Variants in CLEC16A observed in about 807,000 individuals in gnomAD.
CLEC16A encodes the protein C-type lectin domain containing 16A.
In CLEC16A, 51 loss-of-function variants were observed where a neutral mutation model predicts 109.5. The ratio of observed to expected loss-of-function variants is 0.47; its 90% CI spans 0.37 to 0.59. The LOEUF (loss-of-function observed/expected upper bound fraction) is 0.59, where lower values mean the gene tolerates loss of function less well. Ranked by LOEUF, CLEC16A falls within the 20% of genes least tolerant of loss-of-function variation. The probability of loss-of-function intolerance (pLI) is 0.00; values close to 1 mark genes in which losing one functional copy is unlikely to be tolerated. For missense variants in CLEC16A, 1,339 were observed against 1,394.0 expected (o/e 0.96, Z 0.63); for synonymous variants, 673 against 564.2 (o/e 1.19, Z -2.73).
chr16:10,990,390 C>T (rs762915132), intron 10 of CLEC16A, among the ~76,000 whole-genome samples: 4 of 152,200 alleles, frequency 2.6e-5, no homozygotes, highest in African/African-American at 9.6e-5. Flanking sequence ...GAAACAGTTG[C>T]GTCTCTCTGT....
At chr16:11,081,662 C>G (rs75403587) in intron 19 of CLEC16A, among the ~76,000 whole-genome samples, 1 of 152,130 alleles carries the variant, frequency 6.6e-6, no homozygotes, top group Non-Finnish European at 1.5e-5. Context: ...AGTTCCAAGC[C>G]AGGAGAGCAT....
chr16:11,078,698 G>A (rs1299376669), intron 19 of CLEC16A, among the ~76,000 whole-genome samples: 1 of 152,180 alleles, frequency 6.6e-6, no homozygotes, highest in Non-Finnish European at 1.5e-5. Flanking sequence ...GAAGAGGTTG[G>A]CCATGTCAGA....
At chr16:10,971,546 C>G (rs1319345009) in intron 5 of CLEC16A, 3 of 983,108 alleles carry the variant, frequency 3.1e-6, no homozygotes, top group Non-Finnish European at 3.6e-6. Flanking sequence ...TTTAATGTGT[C>G]ATTTAAATTT....
At chr16:11,123,591 G>C in intron 20 of CLEC16A, 151 bp from the exon 21 acceptor site, 1 of 723,530 alleles carries the variant, frequency 1.4e-6, no homozygotes. Flanking sequence ...GCCCATCCAT[G>C]ACTCTGTTGG....
rs1368983834 is a variant in CLEC16A at position 11,178,695 on chromosome 16, G to T, written c.*5G>T. ...GTGGGCACCGCTGAGGACTGAGTCAGTGCCGGGGCCTCCCTTTGTGTGTGT... is the reference window on the plus strand; with the variant it reads ...GTGGGCACCGCTGAGGACTGAGTCATTGCCGGGGCCTCCCTTTGTGTGTGT... On this transcript the variant is annotated 3_prime_UTR_variant, in exon 24 of 24. Coordinates refer to ENST00000409790, the MANE Select transcript of CLEC16A (RefSeq NM_015226.3). The surrounding 1 kb of genome is among the most constrained non-coding windows in gnomAD (Gnocchi z 6.5). 2.7e-6 allele frequency: 4 copies of T among 1,469,176 alleles called. No individual in the cohort carries two copies. Among genetic ancestry groups the T allele is most frequent in the South Asian group, 1.4e-5 (1 of 73,458 alleles). The allele number at this position is 1,469,176 out of a possible 1,614,324, so 91.0% of individuals were successfully genotyped here.
chr16:11,131,911 C>G (rs1398428470), intron 22 of CLEC16A, among the ~76,000 whole-genome samples: 1 of 152,200 alleles, frequency 6.6e-6, no homozygotes, highest in African/African-American at 2.4e-5. Flanking sequence ...AAGTGCGTCC[C>G]ATTTCAGGGC....
chr16:10,988,546 G>T (rs1022047143), intron 10 of CLEC16A, among the ~76,000 whole-genome samples: 1 of 152,188 alleles, frequency 6.6e-6, no homozygotes, highest in African/African-American at 2.4e-5. Context: ...AAGGGCTCTC[G>T]TGACATTCTT....
chr16:11,055,196 T>A (rs1370550823), intron 18 of CLEC16A, among the ~76,000 whole-genome samples: 1 of 152,168 alleles, frequency 6.6e-6, no homozygotes, highest in Non-Finnish European at 1.5e-5. Flanking sequence ...TGAGGTAAAG[T>A]TTATTAACAA....
In CLEC16A at chr16:11,126,103, C is replaced by T. The variant is rs201759018; in HGVS notation, c.2598C>T (p.Pro866=). The change falls in exon 22 of 24, where the codon CCC becomes CCT. Residue 866 remains proline (P), a synonymous_variant. Transcript: ENST00000409790. ...AGGGGCGCCGGGGCAGCAGCGACCCCACAGTGCAGCGCTCCGTGTTTGCAT... is the reference window on the plus strand; with the variant it reads ...AGGGGCGCCGGGGCAGCAGCGACCCTACAGTGCAGCGCTCCGTGTTTGCAT... ...YDQGRRGSSD[P]TVQRSVFASV... 11 of 1,613,794 alleles carry T rather than the reference C, an allele frequency of 6.8e-6. No homozygotes were observed. The highest frequency in any genetic ancestry group is 9.3e-6 in the Non-Finnish European group (11 of 1,179,890).
intron 13 of CLEC16A, among the ~76,000 whole-genome samples, chr16:11,030,194 G>A (rs1474167097): frequency 9.9e-5 from 15 of 152,144 alleles, no homozygotes; most frequent in Admixed American, 4.6e-4. Context: ...CATTTGTGTG[G>A]CCCCATACAA....
intron 14 of CLEC16A, chr16:11,040,137 T>G (rs1317934777): frequency 4.6e-6 from 2 of 438,054 alleles, no homozygotes; most frequent in Non-Finnish European, 8.1e-6. Context: ...CCCGCCCTTC[T>G]TTTGCTGAGA....
intron 5 of CLEC16A, 103 bp from the exon 6 acceptor site, chr16:10,972,451 C>CT: frequency 9.9e-7 from 1 of 1,007,912 alleles, no homozygotes; most frequent in Non-Finnish European, 1.6e-6. Context: ...CCTAGTCTCT[C>CT]TCCCTCTGAG....
intron 13 of CLEC16A, among the ~76,000 whole-genome samples, chr16:11,035,025 C>T (rs991933757): frequency 6.6e-6 from 1 of 152,196 alleles, no homozygotes; most frequent in Non-Finnish European, 1.5e-5. Flanking sequence ...CTTAGCCACT[C>T]AGAACCATCA....
At chr16:11,172,707 G>A (rs1309807762) in intron 23 of CLEC16A, among the ~76,000 whole-genome samples, 1 of 152,080 alleles carries the variant, frequency 6.6e-6, no homozygotes, top group African/African-American at 2.4e-5. Context: ...TGGCCAACAT[G>A]GTGAACCCCC....
At chr16:11,004,861 C>T (rs2044896863) in intron 11 of CLEC16A, among the ~76,000 whole-genome samples, 1 of 151,884 alleles carries the variant, frequency 6.6e-6, no homozygotes, top group African/African-American at 2.4e-5. Flanking sequence ...CATTTTTGGC[C>T]TGGGAAGCCT....
chr16:11,150,334 C>G (rs921139825), intron 22 of CLEC16A: 1 of 152,214 alleles, frequency 6.6e-6, no homozygotes, highest in Non-Finnish European at 1.5e-5. Flanking sequence ...GCACCTTGCT[C>G]TTTTCAGACA....
intron 18 of CLEC16A, among the ~76,000 whole-genome samples, chr16:11,055,918 T>C (rs2048189646): frequency 6.6e-6 from 1 of 152,100 alleles, no homozygotes; most frequent in Admixed American, 6.5e-5. Context: ...CCACATCACT[T>C]ATTCTTTCTT....
In CLEC16A at chr16:11,166,692, G is replaced by A; in HGVS notation, c.2806+140G>A. Reference sequence around the variant, plus strand: ...GCCGCTCAGGTGATCTGCACATGAAGCCTCTAGAGATTCCTCTAACTTGAT... The same window carrying A: ...GCCGCTCAGGTGATCTGCACATGAAACCTCTAGAGATTCCTCTAACTTGAT... On this transcript the variant is annotated intron_variant, in intron 23 of 23. Coordinates refer to ENST00000409790, the MANE Select transcript of CLEC16A (RefSeq NM_015226.3). The A allele has an allele frequency of 3.4e-6, 3 of 873,688 alleles. No homozygotes were observed. In the South Asian group the frequency reaches 6.2e-5, roughly 18 times the overall value. 54.1% of individuals were successfully genotyped at this position (873,688 alleles called of 1,614,324 possible). A position where few individuals can be genotyped will look rare whatever the true frequency, so the allele number is the denominator to read the frequency against.
chr16:10,968,962 C>G (rs574370169), intron 3 of CLEC16A, among the ~76,000 whole-genome samples, 199 bp from the exon 4 acceptor site: 20 of 152,128 alleles, frequency 1.3e-4, no homozygotes, highest in South Asian at 2.1e-4. Context: ...TCTGGTGATG[C>G]CTTTGAACTT....
Sources: gnomAD v4.1 joint callset for allele counts (sites outside exome capture counted in the v4.1 genomes callset) on GRCh38, gnomAD v4.1.1 for gene constraint, Gnocchi (gnomAD v3.1) non-coding constraint, MANE v1.5 for transcripts, NCBI Gene and HGNC (gene_info 2026-07-23, HGNC 2026-07-21) for gene names.